Variants in PDE4B observed in about 807,000 individuals in gnomAD.
The protein encoded by PDE4B is 3',5'-cyclic-AMP phosphodiesterase 4B.
Under a neutral mutation model 82.2 loss-of-function variants are expected in PDE4B, and 20 were observed. The observed-to-expected ratio is 0.24, with a 90% confidence interval of 0.17 to 0.35. The LOEUF is 0.35. Among genes scored for constraint, PDE4B ranks in the 10% least tolerant of loss-of-function variants. The pLI is 1.00. For missense variants in PDE4B, 655 were observed against 907.2 expected (o/e 0.72, Z 3.57); for synonymous variants, 320 against 318.9 (o/e 1.00, Z -0.04).
At chr1:66,241,591 C>T (rs1291127152) in intron 3 of PDE4B, among the ~76,000 whole-genome samples, 6 of 152,150 alleles carry the variant, frequency 3.9e-5, no homozygotes, top group South Asian at 2.1e-4. Context: ...CTGCAATCTC[C>T]GCCTTCCAGA....
At chr1:65,973,642 G>A (rs1356238388) in intron 3 of PDE4B, among the ~76,000 whole-genome samples, 2 of 152,146 alleles carry the variant, frequency 1.3e-5, no homozygotes, top group East Asian at 3.9e-4. Context: ...GGAAGGTATT[G>A]TGGGAAAAAC....
In PDE4B at chr1:65,918,671, C is replaced by T. The variant is rs1294004556; in HGVS notation, c.117C>T (p.Leu39=). 1.9e-6 allele frequency: 3 copies of T among 1,613,896 alleles called. No individual in the cohort carries two copies. In the South Asian group the frequency reaches 3.3e-5, roughly 18 times the overall value. ...SSSSNTLGID[L]WRGRRCCSGN... ...CCAGTAACACACTTGGGATCGACCTCTGGAGAGGGAGAAGGTGTTGCTCAG... is the reference window on the plus strand; with the variant it reads ...CCAGTAACACACTTGGGATCGACCTTTGGAGAGGGAGAAGGTGTTGCTCAG... The change falls in exon 3 of 17, where the codon CTC becomes CTT. Residue 39 remains leucine (L), a synonymous_variant. Transcript: ENST00000341517.
At position 66,368,770 on chromosome 1, in the gene PDE4B, A is replaced by G. The variant is rs1228488784; in HGVS notation, c.1663-17A>G. Reference sequence around the variant, plus strand: ...TACACCTAATTTTATGAGATTTCCAAAACTTGATGATTTCAGGTCCTTCGC... The same window carrying G: ...TACACCTAATTTTATGAGATTTCCAGAACTTGATGATTTCAGGTCCTTCGC... On this transcript the variant is annotated splice_polypyrimidine_tract_variant and intron_variant, in intron 15 of 16. Coordinates refer to ENST00000341517, the MANE Select transcript of PDE4B (RefSeq NM_002600.4). The G allele has an allele frequency of 2.0e-6, 3 of 1,495,490 alleles. No homozygotes were observed. Among genetic ancestry groups the G allele is most frequent in the Non-Finnish European group, 2.7e-6 (3 of 1,113,660 alleles). 92.6% of individuals were successfully genotyped at this position (1,495,490 alleles called of 1,614,324 possible). A position where few individuals can be genotyped will look rare whatever the true frequency, so the allele number is the denominator to read the frequency against.
chr1:66,129,458 C>T (rs377548038), intron 3 of PDE4B, among the ~76,000 whole-genome samples: 25 of 151,372 alleles, frequency 1.7e-4, no homozygotes, highest in Admixed American at 1.6e-3. Flanking sequence ...GAGATCGAGA[C>T]CATCCCGGCT....
At chr1:65,949,776 G>C (rs190773448) in intron 3 of PDE4B, among the ~76,000 whole-genome samples, 1 of 144,666 alleles carries the variant, frequency 6.9e-6, no homozygotes, top group Non-Finnish European at 1.6e-5. Context: ...AACTTCAAAC[G>C]TGTGTGTGTG....
chr1:66,088,007 T>G (rs978956779), intron 3 of PDE4B, among the ~76,000 whole-genome samples: 1 of 151,752 alleles, frequency 6.6e-6, no homozygotes, highest in Non-Finnish European at 1.5e-5. Context: ...ACCCTAAAAC[T>G]TAAAGTATAA....
At chr1:66,139,665 C>T (rs1646128346) in intron 3 of PDE4B, among the ~76,000 whole-genome samples, 1 of 150,772 alleles carries the variant, frequency 6.6e-6, no homozygotes, top group Non-Finnish European at 1.5e-5. Context: ...CTTCTGCCCA[C>T]TCTACCATCC....
intron 3 of PDE4B, among the ~76,000 whole-genome samples, chr1:65,976,969 A>G (rs950921531): frequency 2.0e-5 from 3 of 152,238 alleles, no homozygotes; most frequent in Admixed American, 6.5e-5. Flanking sequence ...GACTTGACAC[A>G]TGTGATAGGA....
chr1:65,935,724 C>T (rs1184910120), intron 3 of PDE4B, among the ~76,000 whole-genome samples: 1 of 152,088 alleles, frequency 6.6e-6, no homozygotes, highest in Non-Finnish European at 1.5e-5. Context: ...GGTGGATCAC[C>T]TGAGGTCGAG....
intron 3 of PDE4B, among the ~76,000 whole-genome samples, chr1:66,232,768 G>A (rs559559842): frequency 1.7e-4 from 26 of 152,298 alleles, no homozygotes; most frequent in African/African-American, 5.3e-4. Flanking sequence ...TGGACAAGAC[G>A]TAGGCCACTG....
At chr1:66,313,703 G>A (rs952994554) in intron 7 of PDE4B, among the ~76,000 whole-genome samples, 6 of 152,332 alleles carry the variant, frequency 3.9e-5, no homozygotes, top group African/African-American at 1.4e-4. Context: ...GGGAACTGAG[G>A]AAATGGGGGT....
At chr1:66,304,582 A>T (rs1181962973) in intron 7 of PDE4B, among the ~76,000 whole-genome samples, 3 of 152,096 alleles carry the variant, frequency 2.0e-5, no homozygotes, top group Non-Finnish European at 4.4e-5. Context: ...AATGCTTTCT[A>T]CTTAGTCCAA....
intron 3 of PDE4B, among the ~76,000 whole-genome samples, chr1:66,163,273 A>C (rs1646654331): frequency 6.6e-6 from 1 of 152,178 alleles, no homozygotes; most frequent in Non-Finnish European, 1.5e-5. Context: ...ATCACATCCC[A>C]TACACTGATG....
chr1:66,185,938 AG>A (rs1214859770), intron 3 of PDE4B, among the ~76,000 whole-genome samples: 3 of 152,190 alleles, frequency 2.0e-5, no homozygotes, highest in African/African-American at 7.2e-5. Context: ...GGCATTGCCT[AG>A]GTTTTCTTCT....
intron 3 of PDE4B, among the ~76,000 whole-genome samples, chr1:66,180,472 T>C (rs899141298): frequency 7.2e-5 from 11 of 152,094 alleles, no homozygotes; most frequent in Non-Finnish European, 1.2e-4. Flanking sequence ...ATTTATAATT[T>C]AAAAAGATAA....
intron 3 of PDE4B, among the ~76,000 whole-genome samples, chr1:66,132,721 C>T (rs1458872101): frequency 2.0e-5 from 3 of 152,104 alleles, no homozygotes; most frequent in African/African-American, 7.2e-5. Context: ...AAATTGTGTA[C>T]CTCAGACCTA....
At chr1:65,986,494 T>C (rs1257635896) in intron 3 of PDE4B, among the ~76,000 whole-genome samples, 3 of 152,122 alleles carry the variant, frequency 2.0e-5, no homozygotes, top group African/African-American at 7.2e-5. Flanking sequence ...AAATAATAAA[T>C]ATACAACATT....
rs1645671626 is a variant in PDE4B, at chr1:65,799,569, T to G, written c.-71+6321T>G. On this transcript the variant is annotated intron_variant, in intron 1 of 16. Transcript: ENST00000341517. ...ATTCCTAGGAAAGACCTCCAGATAC[T>G]GTTTTGTGTTATACTCATGCACTAA... 2.0e-5 allele frequency among the ~76,000 whole-genome samples: 3 copies of G among 152,214 alleles called. No individual in the cohort carries two copies. The South Asian group carries it at 6.2e-4, about 32-fold the overall frequency.
chr1:66,178,907 A>T (rs1570407504), intron 3 of PDE4B, among the ~76,000 whole-genome samples: 1 of 152,146 alleles, frequency 6.6e-6, no homozygotes, highest in Middle Eastern at 3.4e-3. Flanking sequence ...GCTGGAGTGC[A>T]ATGGCGCGAT....
Sources: gnomAD v4.1 joint callset for allele counts (sites outside exome capture counted in the v4.1 genomes callset) on GRCh38, gnomAD v4.1.1 for gene constraint, MANE v1.5 for transcripts, NCBI Gene and HGNC (gene_info 2026-07-23, HGNC 2026-07-21) for gene names.